Variants in FSTL4 observed in about 807,000 individuals in gnomAD.
FSTL4 encodes follistatin-related protein 4.
Under a neutral mutation model 78.2 loss-of-function variants are expected in FSTL4, and 28 were observed. The observed-to-expected ratio is 0.36, with a 90% confidence interval of 0.27 to 0.49. The LOEUF (loss-of-function observed/expected upper bound fraction) is 0.49, where lower values mean the gene tolerates loss of function less well. Among genes scored for constraint, FSTL4 ranks in the 20% least tolerant of loss-of-function variants. The probability of loss-of-function intolerance (pLI) is 0.98; values close to 1 mark genes in which losing one functional copy is unlikely to be tolerated. For synonymous variants in FSTL4, 422 were observed against 440.5 expected, an observed-to-expected ratio of 0.96 and a Z score of 0.53; for missense variants, 922 against 1,084.9, an observed-to-expected ratio of 0.85 and a Z score of 2.11.
At chr5:133,670,042 G>A in the FSTL4 span, among the ~76,000 whole-genome samples, 12 of 152,180 alleles carry the variant, frequency 7.9e-5, no homozygotes, top group South Asian at 2.1e-4. Flanking sequence ...TACACGCTCC[G>A]CTCCCAAGAT....
chr5:133,490,894 T>G (rs1211189231), intron 3 of FSTL4, among the ~76,000 whole-genome samples: 1 of 152,176 alleles, frequency 6.6e-6, no homozygotes, highest in Non-Finnish European at 1.5e-5. Context: ...AATATCCAGT[T>G]TTTATTGAGT....
chr5:133,770,157 C>G, the FSTL4 span, among the ~76,000 whole-genome samples: 1 of 151,940 alleles, frequency 6.6e-6, no homozygotes, highest in Non-Finnish European at 1.5e-5. Context: ...TAAGTTGATT[C>G]CATATCTTTC....
intron 6 of FSTL4, among the ~76,000 whole-genome samples, chr5:133,257,435 C>A (rs984510453): frequency 2.0e-5 from 3 of 152,160 alleles, no homozygotes; most frequent in African/African-American, 7.2e-5. Flanking sequence ...GAGGGGCCGG[C>A]CTGTGCAGGG....
In FSTL4 at chr5:133,391,108, G is replaced by A. The variant is rs184420048; in HGVS notation, c.409+9630C>T. The stretch of plus-strand genomic sequence containing the variant: ...GGGCATAAAACACTTTGAGGCAGGC[G>A]TACAGAGACCACGTATTTGAGTTGT... On this transcript the variant is annotated intron_variant, in intron 4 of 15. Transcript: ENST00000265342. 3.7e-4 allele frequency among the ~76,000 whole-genome samples: 56 copies of A among 152,294 alleles called. 1 individual carries two copies. The highest frequency in any genetic ancestry group is 2.8e-3 in the Admixed American group (43 of 15,304).
At chr5:133,260,543 C>T (rs758064083) in intron 6 of FSTL4, among the ~76,000 whole-genome samples, 2 of 152,216 alleles carry the variant, frequency 1.3e-5, no homozygotes. Context: ...AGAGCTCCTG[C>T]TGCCTTCTTT....
chr5:133,614,427 G>A (rs552877611), upstream of FSTL4, among the ~76,000 whole-genome samples: 61 of 152,326 alleles, frequency 4.0e-4, no homozygotes, highest in South Asian at 4.8e-3. Context: ...TAGAGAGAAT[G>A]CTAACATCTG....
chr5:133,351,616 AT>A (rs201011774), intron 4 of FSTL4, among the ~76,000 whole-genome samples: 12 of 150,298 alleles, frequency 8.0e-5, no homozygotes, highest in Admixed American at 2.0e-4. Flanking sequence ...TTTAATTTTT[AT>A]TTTTTTTTGA....
intron 7 of FSTL4, among the ~76,000 whole-genome samples, chr5:133,235,474 G>A (rs999862495): frequency 2.0e-5 from 3 of 149,306 alleles, no homozygotes; most frequent in African/African-American, 7.5e-5. Flanking sequence ...ACTCCAGCCT[G>A]GGTGACAGAG....
the FSTL4 span, among the ~76,000 whole-genome samples, chr5:133,649,334 G>A: frequency 6.6e-6 from 1 of 152,192 alleles, no homozygotes; most frequent in East Asian, 1.9e-4. Flanking sequence ...TCCATGTGTA[G>A]GTTCTTGTGT....
chr5:133,240,127 C>G (rs867337949), intron 7 of FSTL4, among the ~76,000 whole-genome samples: 1 of 152,220 alleles, frequency 6.6e-6, no homozygotes, highest in Non-Finnish European at 1.5e-5. Context: ...AGCTGCACTT[C>G]TGAAGCCAGC....
Position 133,400,756 on chromosome 5 carries a change from T to C in FSTL4, c.391A>G (p.Lys131Glu). The part of the protein sequence containing the change: ...LGKRITVIHS[K>E]DCFLKGDTCT... ...TTCCTACCTTTGAGGAAACAGTCCT[T>C]GCTGTGGATGACGGTGATCCTCTTT... Residue 131 changes from lysine (K) to glutamate (E), a missense_variant, in exon 4 of 16, where the codon AAG (lysine) becomes GAG (glutamate). Lys to Glu is a moderately conservative substitution (Grantham distance 56). Transcript: ENST00000265342. 6.2e-7 allele frequency: 1 copy of C among 1,614,042 alleles called. No individual in the cohort carries two copies.
chr5:133,780,248 G>A, the FSTL4 span, among the ~76,000 whole-genome samples: 89,280 of 151,764 alleles, frequency 0.59, 26,364 homozygotes, highest in South Asian at 0.64. Context: ...GGGTGTACAC[G>A]AGCAGGGGAC....
chr5:133,201,554 A>C (rs11951933), intron 15 of FSTL4, among the ~76,000 whole-genome samples: 1,963 of 152,304 alleles, frequency 0.013, 39 homozygotes, highest in African/African-American at 0.045. Flanking sequence ...TCTGATCCTC[A>C]TCTATAACAT....
In FSTL4 at chr5:133,400,962, A is replaced by G. The variant is rs777734764; in HGVS notation, c.185T>C (p.Leu62Pro). The stretch of plus-strand genomic sequence containing the variant: ...GCAGAACTTCTTCCCGCAGGAGGCC[A>G]GCAGCTCGTTGTGGCTGGAAAGCCC... Reference protein sequence around the residue: ...REGLSSHNELLASCGKKFCSR... With the variant: ...REGLSSHNELPASCGKKFCSR... Residue 62 changes from leucine (L) to proline (P), a missense_variant, in exon 4 of 16, where the codon CTG becomes CCG. Transcript: ENST00000265342. The G allele has an allele frequency of 1.2e-6, 2 of 1,613,252 alleles. No individual in the cohort carries two copies. The highest frequency in any genetic ancestry group is 1.7e-5 in the Admixed American group (1 of 60,034).
the FSTL4 span, among the ~76,000 whole-genome samples, chr5:133,713,135 G>A: frequency 2.6e-5 from 4 of 152,246 alleles, no homozygotes; most frequent in South Asian, 6.2e-4. Flanking sequence ...AAAACCCATA[G>A]TGAAAGGTGA....
chr5:133,754,860 C>T, the FSTL4 span, among the ~76,000 whole-genome samples: 10 of 152,162 alleles, frequency 6.6e-5, no homozygotes, highest in South Asian at 2.1e-4. Flanking sequence ...ATCCACCTTT[C>T]CAGCCATCCC....
At position 133,338,148 on chromosome 5, in the gene FSTL4, C is replaced by G. The variant is rs983617579; in HGVS notation, c.410-21496G>C. ...CACCCATGGGGAGATGTCTGATTGGCAGGTGTAAATGTCGATTGAGTCATG... is the reference window on the plus strand; with the variant it reads ...CACCCATGGGGAGATGTCTGATTGGGAGGTGTAAATGTCGATTGAGTCATG... On this transcript the variant is annotated intron_variant, in intron 4 of 15. Coordinates refer to ENST00000265342, the MANE Select transcript of FSTL4 (RefSeq NM_015082.2). The surrounding 1 kb of genome is among the most constrained non-coding windows in gnomAD (Gnocchi z 4.0). Among the ~76,000 whole-genome samples the G allele has an allele frequency of 6.6e-6, 1 of 152,172 alleles. No homozygotes were observed. Among genetic ancestry groups the G allele is most frequent in the Non-Finnish European group, 1.5e-5 (1 of 68,028 alleles).
chr5:133,810,232 C>T, the FSTL4 span, among the ~76,000 whole-genome samples: 1 of 152,256 alleles, frequency 6.6e-6, no homozygotes, highest in African/African-American at 2.4e-5. Context: ...GCCCCTCTTA[C>T]AAATGACACC....
chr5:133,241,492 A>G (rs1200401056), intron 7 of FSTL4, among the ~76,000 whole-genome samples: 1 of 152,208 alleles, frequency 6.6e-6, no homozygotes, highest in African/African-American at 2.4e-5. Context: ...TGCCAGAGAC[A>G]TTGCTCTGAG....
Sources: gnomAD v4.1 joint callset for allele counts (sites outside exome capture counted in the v4.1 genomes callset) on GRCh38, gnomAD v4.1.1 for gene constraint, Gnocchi (gnomAD v3.1) non-coding constraint, MANE v1.5 for transcripts, NCBI Gene and HGNC (gene_info 2026-07-23, HGNC 2026-07-21) for gene names.